DNAAF9: variants seen among roughly 807,000 people sequenced by gnomAD.
DNAAF9 encodes the protein dynein axonemal assembly factor 9.
Under a neutral mutation model 167.0 loss-of-function variants are expected in DNAAF9, and 90 were observed. That is an observed-to-expected ratio of 0.54 (90% CI 0.45 to 0.64). The LOEUF (loss-of-function observed/expected upper bound fraction) is 0.64, where lower values mean the gene tolerates loss of function less well. DNAAF9 is among the 30% of genes least tolerant of loss of function. The pLI is 0.00. For missense variants in DNAAF9, 1,315 were observed against 1,442.2 expected (o/e 0.91, Z 1.43); for synonymous variants, 491 against 508.8 (o/e 0.96, Z 0.47).
chr20:3,332,183 C>G (rs2069841637), intron 11 of DNAAF9, 97 bp downstream of exon 11: 7 of 691,456 alleles, frequency 1.0e-5, no homozygotes, highest in Admixed American at 2.5e-5. Flanking sequence ...GTAACCTGAG[C>G]TTCCAAGCAA....
chr20:3,342,510 A>G (rs1355884820), intron 9 of DNAAF9, among the ~76,000 whole-genome samples: 1 of 152,138 alleles, frequency 6.6e-6, no homozygotes, highest in Admixed American at 6.5e-5. Context: ...TTCTCAGTGA[A>G]TATTTGATGA....
In DNAAF9 at chr20:3,335,828, G is replaced by C. The variant is rs960516850; in HGVS notation, c.982-3467C>G. ...GCTATTTCTTTCTGGCTGTTTTCAA[G>C]ATTTTTTGTTTGGGCTGAGCGTGGT... On this transcript the variant is annotated intron_variant, in intron 10 of 36. Coordinates refer to ENST00000252032, the MANE Select transcript of DNAAF9 (RefSeq NM_001009984.3). Among the ~76,000 whole-genome samples, 7 of 150,254 alleles carry C rather than the reference G, an allele frequency of 4.7e-5. No homozygotes were observed. In the East Asian group the frequency reaches 1.4e-3, roughly 30 times the overall value.
At position 3,252,687 on chromosome 20, in the gene DNAAF9, G is replaced by A. The variant is rs1308833841; in HGVS notation, c.3422-3C>T. 2.6e-6 allele frequency: 4 copies of A among 1,537,176 alleles called. No individual in the cohort carries two copies. Among genetic ancestry groups the A allele is most frequent in the Non-Finnish European group, 3.6e-6 (4 of 1,109,914 alleles). ...GTCATTCATGAACTGGTCCATGACTGGTATCTCATTAAGGAAGAGAGCTCT... is the reference window on the plus strand; with the variant it reads ...GTCATTCATGAACTGGTCCATGACTAGTATCTCATTAAGGAAGAGAGCTCT... On this transcript the variant is annotated splice_polypyrimidine_tract_variant and splice_region_variant and intron_variant, in intron 36 of 36. Transcript: ENST00000252032.
chr20:3,366,737 C>A (rs1023170721), intron 6 of DNAAF9, among the ~76,000 whole-genome samples: 1 of 151,938 alleles, frequency 6.6e-6, no homozygotes, highest in Admixed American at 6.6e-5. Context: ...CCAGTCCTGG[C>A]AACACGGTGA....
chr20:3,294,044 T>G, intron 25 of DNAAF9, 95 bp downstream of exon 25: 1 of 741,876 alleles, frequency 1.3e-6, no homozygotes, highest in South Asian at 1.5e-5. Flanking sequence ...GGACTCCATC[T>G]AAGTTCTTTT....
chr20:3,300,780 G>C (rs1291719040), intron 21 of DNAAF9, among the ~76,000 whole-genome samples: 1 of 149,718 alleles, frequency 6.7e-6, no homozygotes, highest in Admixed American at 6.7e-5. Context: ...CTGGACTCAA[G>C]TGATCCACCT....
rs1372606229 is a variant in DNAAF9 at position 3,252,600 on chromosome 20, T to A, written c.3506A>T (p.Tyr1169Phe). Reference protein sequence around the residue: ...KYNQELEQQEYHDLFELKP With the variant: ...KYNQELEQQEFHDLFELKP ...GGGCTTCAGCTCAAAGAGGTCATGA[T>A]ACTCCTGCTGTTCCAGCTCCTGGTT... The change falls in exon 37 of 37, where the codon TAT becomes TTT. Residue 1169 changes from tyrosine (Y) to phenylalanine (F), a missense_variant. Tyr to Phe is a conservative substitution (Grantham distance 22). This residue lies in a region of DNAAF9 where 334 missense variants were observed against 429.7 expected (regional missense o/e 0.78). Coordinates refer to ENST00000252032, the MANE Select transcript of DNAAF9 (RefSeq NM_001009984.3). The A allele has an allele frequency of 5.0e-6, 8 of 1,610,132 alleles. No individual in the cohort carries two copies. Among genetic ancestry groups the A allele is most frequent in the Admixed American group, 3.3e-5 (2 of 60,028 alleles).
chr20:3,336,031 G>A (rs2069934382), intron 10 of DNAAF9, among the ~76,000 whole-genome samples: 1 of 152,054 alleles, frequency 6.6e-6, no homozygotes, highest in African/African-American at 2.4e-5. Context: ...GCTGAGGCAT[G>A]AGAATTGCTT....
At chr20:3,287,530 G>T in intron 27 of DNAAF9, 102 bp downstream of exon 27, 1 of 1,101,750 alleles carries the variant, frequency 9.1e-7, no homozygotes, top group Non-Finnish European at 1.4e-6. Flanking sequence ...GCTCATGCAT[G>T]TAGAGTCTGT....
intron 17 of DNAAF9, 97 bp from the exon 18 acceptor site, chr20:3,316,890 CTT>C (rs11424663): frequency 0.041 from 10,188 of 247,708 alleles, no homozygotes; most frequent in South Asian, 0.068. Flanking sequence ...AGCTAGGGTT[CTT>C]TTTTTTTTTT....
chr20:3,340,433 T>TGGGGGGGGGGGGGGG, intron 10 of DNAAF9, 71 bp downstream of exon 10: 1 of 221,214 alleles, frequency 4.5e-6, no homozygotes, highest in East Asian at 1.2e-4. Context: ...TTTGTCTAGC[T>TGGGGGGGGGGGGGGG]CCCCCCACCC....
rs575168387 is a variant in DNAAF9, at chr20:3,356,784, A to G, written c.690+2732T>C. Among the ~76,000 whole-genome samples the G allele has an allele frequency of 7.9e-5, 12 of 152,320 alleles. No individual in the cohort carries two copies. The East Asian group carries it at 2.3e-3, about 29-fold the overall frequency. ...ATAAGAGGCCAAGAAAAATTACACA[A>G]GAACACCGAAGGCCTCTGGTCAGAC... On this transcript the variant is annotated intron_variant, in intron 7 of 36. Coordinates refer to ENST00000252032, the MANE Select transcript of DNAAF9 (RefSeq NM_001009984.3).
rs1375011007 is a variant in DNAAF9 at position 3,250,360 on chromosome 20, C to G, written c.*2212G>C. The stretch of plus-strand genomic sequence containing the variant: ...ACAGTGCACCGCGGGTGTGCCTTAT[C>G]AGTGGGGCAGAGCAAGTGGCCCCAG... On this transcript the variant is annotated 3_prime_UTR_variant, in exon 37 of 37. Coordinates refer to ENST00000252032, the MANE Select transcript of DNAAF9 (RefSeq NM_001009984.3). 6.6e-6 allele frequency: 1 copy of G among 152,292 alleles called. No individual in the cohort carries two copies. The highest frequency in any genetic ancestry group is 2.4e-5 in the African/African-American group (1 of 41,470). 9.4% of individuals were successfully genotyped at this position (152,292 alleles called of 1,614,324 possible). A position where few individuals can be genotyped will look rare whatever the true frequency, so the allele number is the denominator to read the frequency against.
chr20:3,370,350 G>C (rs936999897), intron 6 of DNAAF9, among the ~76,000 whole-genome samples: 4 of 152,054 alleles, frequency 2.6e-5, no homozygotes, highest in African/African-American at 9.7e-5. Context: ...CAGGGCTCAA[G>C]CTATCCTCCG....
chr20:3,280,690 A>G (rs1291935548), intron 28 of DNAAF9, among the ~76,000 whole-genome samples: 1 of 152,046 alleles, frequency 6.6e-6, no homozygotes, highest in African/African-American at 2.4e-5. Flanking sequence ...AACACAGCTC[A>G]CTGCAGCCTC....
chr20:3,340,702 G>A, intron 9 of DNAAF9, 63 bp from the exon 10 acceptor site: 3 of 1,522,730 alleles, frequency 2.0e-6, no homozygotes, highest in Non-Finnish European at 2.7e-6. Context: ...AACCTTCCAT[G>A]ACCTTAATAA....
intron 21 of DNAAF9, among the ~76,000 whole-genome samples, chr20:3,302,319 T>C (rs1328591659): frequency 6.6e-6 from 1 of 152,226 alleles, no homozygotes; most frequent in African/African-American, 2.4e-5. Flanking sequence ...AATACATGTA[T>C]ACATTATGTA....
intron 1 of DNAAF9, among the ~76,000 whole-genome samples, chr20:3,407,096 T>C: frequency 6.6e-6 from 1 of 152,020 alleles, no homozygotes; most frequent in East Asian, 1.9e-4. Flanking sequence ...GCGAGTGAGT[T>C]ATTCATAGGG....
chr20:3,314,897 A>G, intron 20 of DNAAF9, 136 bp downstream of exon 20: 1 of 618,020 alleles, frequency 1.6e-6, no homozygotes, highest in Non-Finnish European at 2.9e-6. Flanking sequence ...GGGTCGAGAG[A>G]AAAGCTGTAG....
Sources: allele counts gnomAD v4.1 joint callset (sites outside exome capture counted in the v4.1 genomes callset), GRCh38; gene constraint gnomAD v4.1.1; regional missense constraint gnomAD v4.1.1; transcripts MANE v1.5; gene names NCBI Gene and HGNC (gene_info 2026-07-23, HGNC 2026-07-21).